MBNL1: variants seen among roughly 807,000 people sequenced by gnomAD.
The protein encoded by MBNL1 is muscleblind-like protein 1.
In MBNL1, 8 loss-of-function variants were observed where a neutral mutation model predicts 42.2. The observed-to-expected ratio is 0.19, with a 90% CI of 0.11 to 0.34. The LOEUF (loss-of-function observed/expected upper bound fraction) is 0.34, where lower values mean the gene tolerates loss of function less well. Among genes scored for constraint, MBNL1 ranks in the 10% least tolerant of loss-of-function variants. The pLI is 1.00. For missense variants in MBNL1, 309 were observed against 495.3 expected (o/e 0.62, Z 3.57); for synonymous variants, 169 against 173.9 (o/e 0.97, Z 0.22).
chr3:152,444,872 T>C lies in MBNL1; in HGVS notation c.550-410T>C, dbSNP rs116257984. Among the ~76,000 whole-genome samples the C allele has an allele frequency of 6.3e-3, 961 of 152,314 alleles. 9 individuals carry two copies. Among genetic ancestry groups the C allele is most frequent in the African/African-American group, 0.022 (918 of 41,566 alleles). On this transcript the variant is annotated intron_variant, in intron 4 of 9. Transcript: ENST00000324210. Reference sequence around the variant, plus strand: ...CAGGCAGTACTACCTCTACTGTGATTGTGTGCCCTTCTCATTGTATCATAT... The same window carrying C: ...CAGGCAGTACTACCTCTACTGTGATCGTGTGCCCTTCTCATTGTATCATAT...
At chr3:152,268,376 C>T (rs914664084), upstream of MBNL1, 1 of 194,896 alleles carries the variant, frequency 5.1e-6, no homozygotes, top group African/African-American at 2.4e-5. Flanking sequence ...TGTTAGCCCT[C>T]CAGGTTCAAA....
intron 2 of MBNL1, among the ~76,000 whole-genome samples, chr3:152,362,265 T>C (rs1467798042): frequency 6.6e-6 from 1 of 152,186 alleles, no homozygotes; most frequent in Non-Finnish European, 1.5e-5. Flanking sequence ...ATTTCAATTC[T>C]CTGTGCTCAC....
At chr3:152,352,651 G>A (rs928961871) in intron 2 of MBNL1, among the ~76,000 whole-genome samples, 7 of 151,584 alleles carry the variant, frequency 4.6e-5, no homozygotes, top group South Asian at 2.1e-4. Flanking sequence ...ACTCAATACC[G>A]GAGACAGCTC....
rs184973008 is a variant in MBNL1, at chr3:152,398,616, A to G, written c.175-16325A>G. ...GTAAAATCTGTTACCTCTTGCCTGG[A>G]CTGTTAACATAATTACTTAATTGGT... On this transcript the variant is annotated intron_variant, in intron 2 of 9. Transcript: ENST00000324210. Among the ~76,000 whole-genome samples, 140 of 152,266 alleles carry G rather than the reference A, an allele frequency of 9.2e-4. 1 individual carries two copies. The highest frequency in any genetic ancestry group is 2.9e-3 in the South Asian group (14 of 4,830).
At chr3:152,251,426 T>G (rs2034513110) in intron 2 of MBNL1, among the ~76,000 whole-genome samples, 2 of 152,130 alleles carry the variant, frequency 1.3e-5, no homozygotes, top group South Asian at 4.1e-4. Flanking sequence ...AAATCTAATC[T>G]CTTAGCAATA....
intron 2 of MBNL1, among the ~76,000 whole-genome samples, chr3:152,253,981 T>G (rs140103415): frequency 6.6e-6 from 1 of 152,172 alleles, no homozygotes; most frequent in Admixed American, 6.6e-5. Flanking sequence ...GTAAGTTCCA[T>G]GAGGGCAGAA....
At chr3:152,431,704 C>T (rs923622435) in intron 3 of MBNL1, among the ~76,000 whole-genome samples, 1 of 152,072 alleles carries the variant, frequency 6.6e-6, no homozygotes, top group Non-Finnish European at 1.5e-5. Flanking sequence ...GTTTCAGAAA[C>T]AAACATTATT....
intron 2 of MBNL1, among the ~76,000 whole-genome samples, chr3:152,376,233 T>C (rs1476516987): frequency 1.3e-5 from 2 of 152,228 alleles, no homozygotes; most frequent in African/African-American, 2.4e-5. Context: ...GATAGAAATA[T>C]TTAAAATGTA....
At position 152,340,994 on chromosome 3, in the gene MBNL1, A is replaced by T. The variant is rs1394078081; in HGVS notation, c.174+40627A>T. 3 of 1,439,268 alleles carry T rather than the reference A, an allele frequency of 2.1e-6. No homozygotes were observed. In the African/African-American group the frequency reaches 4.3e-5, roughly 20 times the overall value. The allele number at this position is 1,439,268 out of a possible 1,614,324, so 89.2% of individuals were successfully genotyped here. A position where few individuals can be genotyped will look rare whatever the true frequency, so the allele number is the denominator to read the frequency against. The stretch of plus-strand genomic sequence containing the variant: ...AAGGTCTGGGTAAATTGATGAGGGG[A>T]CACAAACTGTACGATGCTTATTTTT... On this transcript the variant is annotated intron_variant, in intron 2 of 9. Transcript: ENST00000324210.
intron 2 of MBNL1, among the ~76,000 whole-genome samples, chr3:152,328,445 A>G (rs947502054): frequency 6.6e-6 from 1 of 152,158 alleles, no homozygotes; most frequent in Non-Finnish European, 1.5e-5. Context: ...ATCTTCTGAG[A>G]TGTTTTCTCT....
At chr3:152,431,928 C>G (rs772278757) in intron 3 of MBNL1, among the ~76,000 whole-genome samples, 1 of 152,110 alleles carries the variant, frequency 6.6e-6, no homozygotes, top group South Asian at 2.1e-4. Context: ...CTTATATATC[C>G]ACGAAAGCAT....
At chr3:152,338,470 G>A in intron 2 of MBNL1, 1 of 985,374 alleles carries the variant, frequency 1.0e-6, no homozygotes, top group Non-Finnish European at 1.2e-6. Flanking sequence ...GCTTTCAGTT[G>A]TTAAGGCTTC....
At chr3:152,260,641 T>A (rs323624) in intron 2 of MBNL1, among the ~76,000 whole-genome samples, 5 of 151,902 alleles carry the variant, frequency 3.3e-5, no homozygotes, top group Admixed American at 6.5e-5. Context: ...AAGGGGGTGC[T>A]TATAATCACA....
chr3:152,246,404 T>C (rs1294150969), intron 2 of MBNL1, among the ~76,000 whole-genome samples: 1 of 152,046 alleles, frequency 6.6e-6, no homozygotes, highest in Non-Finnish European at 1.5e-5. Context: ...ATGAACATCC[T>C]AGTTCTAGAT....
At chr3:152,440,070 TG>T (rs905788018) in intron 4 of MBNL1, among the ~76,000 whole-genome samples, 2 of 152,146 alleles carry the variant, frequency 1.3e-5, no homozygotes, top group African/African-American at 2.4e-5. Flanking sequence ...AGAGATCAAG[TG>T]GTAGATTCTT....
At chr3:152,324,463 G>C (rs964850098) in intron 2 of MBNL1, among the ~76,000 whole-genome samples, 5 of 152,174 alleles carry the variant, frequency 3.3e-5, no homozygotes, top group South Asian at 4.2e-4. Context: ...GGTTTATGTC[G>C]AGACCTCTTC....
chr3:152,358,342 T>A (rs2095676917), intron 2 of MBNL1, among the ~76,000 whole-genome samples: 1 of 152,220 alleles, frequency 6.6e-6, no homozygotes. Context: ...AATGTGTTGA[T>A]GAAGATAGTG....
In MBNL1 at chr3:152,377,383, G is replaced by A. The variant is rs192395976; in HGVS notation, c.175-37558G>A. Among the ~76,000 whole-genome samples, 580 of 152,178 alleles carry A rather than the reference G, an allele frequency of 3.8e-3. 2 individuals carry two copies. The highest frequency in any genetic ancestry group is 0.013 in the African/African-American group (549 of 41,512). On this transcript the variant is annotated intron_variant, in intron 2 of 9. Transcript: ENST00000324210. The stretch of plus-strand genomic sequence containing the variant: ...TGTAATAGCTAGGACCCATCAGGTG[G>A]TTATAGAACCGAAATTAAATTCAAG...
chr3:152,368,706 G>A (rs770620259), intron 2 of MBNL1, among the ~76,000 whole-genome samples: 24 of 152,104 alleles, frequency 1.6e-4, no homozygotes, highest in Non-Finnish European at 2.8e-4. Context: ...GTAGTTTGTA[G>A]TTCTCCTTGA....
Sources: allele counts gnomAD v4.1 joint callset (sites outside exome capture counted in the v4.1 genomes callset), GRCh38; gene constraint gnomAD v4.1.1; transcripts MANE v1.5; gene names NCBI Gene and HGNC (gene_info 2026-07-23, HGNC 2026-07-21).